Variants in NEK6 observed in about 807,000 individuals in gnomAD.
NEK6 encodes the protein NIMA related kinase 6, also known as serine/threonine-protein kinase Nek6.
Under a neutral mutation model 43.5 loss-of-function variants are expected in NEK6, and 27 were observed. The ratio of observed to expected loss-of-function variants is 0.62; its 90% CI spans 0.46 to 0.86. NEK6 has a LOEUF of 0.86. Ranked by LOEUF, NEK6 falls within the 40% of genes least tolerant of loss-of-function variation. The probability of loss-of-function intolerance (pLI) is 0.00; values close to 1 mark genes in which losing one functional copy is unlikely to be tolerated. For missense variants in NEK6, 318 were observed against 414.4 expected, an observed-to-expected ratio of 0.77 and a Z score of 2.02; for synonymous variants, 167 against 164.1, an observed-to-expected ratio of 1.02 and a Z score of -0.14.
In NEK6 at chr9:124,326,858, G is replaced by T. The variant is rs544027459; in HGVS notation, c.514+420G>T. Reference sequence around the variant, plus strand: ...GCCTGCTGGGTGCCCGGCAGGGCACGAGGTCCTTTACGTAGGCTGCTTCAT... The same window carrying T: ...GCCTGCTGGGTGCCCGGCAGGGCACTAGGTCCTTTACGTAGGCTGCTTCAT... On this transcript the variant is annotated intron_variant, in intron 6 of 9. Coordinates refer to ENST00000320246, the MANE Select transcript of NEK6 (RefSeq NM_014397.6). The surrounding 1 kb of genome is among the most constrained non-coding windows in gnomAD (Gnocchi z 4.5). 3.3e-5 allele frequency among the ~76,000 whole-genome samples: 5 copies of T among 152,286 alleles called. No individual in the cohort carries two copies. The South Asian group carries it at 1.0e-3, about 32-fold the overall frequency.
intron 2 of NEK6, among the ~76,000 whole-genome samples, chr9:124,307,817 G>T (rs539790630): frequency 6.6e-6 from 1 of 152,284 alleles, no homozygotes; most frequent in East Asian, 1.9e-4. Context: ...GGTGCACGTC[G>T]TCAGCCCCAC....
intron 1 of NEK6, among the ~76,000 whole-genome samples, chr9:124,296,989 T>G (rs922351750): frequency 6.6e-6 from 1 of 152,202 alleles, no homozygotes; most frequent in African/African-American, 2.4e-5. Context: ...ACAGCCCACA[T>G]TAGTGAGAGC....
intron 7 of NEK6, among the ~76,000 whole-genome samples, chr9:124,333,751 TGCA>T (rs1588530677): frequency 6.6e-6 from 1 of 150,646 alleles, no homozygotes; most frequent in Non-Finnish European, 1.5e-5. Flanking sequence ...GCAATTCAGC[TGCA>T]GCATGGATCA....
At chr9:124,319,085 A>T (rs1228685171) in intron 4 of NEK6, among the ~76,000 whole-genome samples, 1 of 152,148 alleles carries the variant, frequency 6.6e-6, no homozygotes, top group Non-Finnish European at 1.5e-5. Context: ...CCCAGGTTCA[A>T]GCGATTCTCC....
Position 124,312,702 on chromosome 9 carries a change from A to T in NEK6, c.231+53A>T, listed in dbSNP as rs1163070068. On this transcript the variant is annotated intron_variant, in intron 3 of 9. Transcript: ENST00000320246. ...CTGCATCTCGGGAGGTGGTCTCTGC[A>T]TCTGGACGGGGTGCCCGGGCCAGTC... is the stretch of plus-strand genomic sequence containing the variant. 26 of 1,574,084 alleles carry T rather than the reference A, an allele frequency of 1.7e-5. No individual in the cohort carries two copies. In the South Asian group the frequency reaches 2.6e-4, roughly 16 times the overall value.
At chr9:124,346,510 C>T (rs548158162) in intron 8 of NEK6, among the ~76,000 whole-genome samples, 4 of 152,162 alleles carry the variant, frequency 2.6e-5, no homozygotes, top group Non-Finnish European at 5.9e-5. Context: ...GTGGCCCCTC[C>T]GGGGGGGAAC....
chr9:124,272,582 C>T (rs983007190), intron 1 of NEK6, among the ~76,000 whole-genome samples: 17 of 152,246 alleles, frequency 1.1e-4, no homozygotes, highest in African/African-American at 3.9e-4. Flanking sequence ...AAGGCCTCAT[C>T]GGGCTTTGCT....
intron 1 of NEK6, among the ~76,000 whole-genome samples, chr9:124,274,845 T>C (rs978027769): frequency 3.3e-5 from 5 of 152,142 alleles, no homozygotes; most frequent in Admixed American, 1.3e-4. Flanking sequence ...TGGCAATCAT[T>C]GTCCTCTCCA....
At chr9:124,293,053 G>A in intron 1 of NEK6, 1 of 1,448,830 alleles carries the variant, frequency 6.9e-7, no homozygotes, top group Non-Finnish European at 9.2e-7. Context: ...AGGGGTCTCT[G>A]GGATGGTGGG....
In NEK6 at chr9:124,350,846, C is replaced by G. The variant is rs1193711970; in HGVS notation, c.841C>G (p.Leu281Val). 6.2e-7 allele frequency: 1 copy of G among 1,612,042 alleles called. No individual in the cohort carries two copies. Among genetic ancestry groups the G allele is most frequent in the Non-Finnish European group, 8.5e-7 (1 of 1,179,192 alleles). Reference protein sequence around the residue: ...GEHYSEKLRELVSMCICPDPH... With the variant: ...GEHYSEKLREVVSMCICPDPH... Reference sequence around the variant, plus strand: ...ATTCTCTCCCCTGCAGTTACGAGAACTGGTCAGCATGTGCATCTGCCCTGA... The same window carrying G: ...ATTCTCTCCCCTGCAGTTACGAGAAGTGGTCAGCATGTGCATCTGCCCTGA... The change falls in exon 10 of 10, where the codon CTG becomes GTG. Residue 281 changes from leucine to valine, a missense_variant. This residue lies in a region of NEK6 where 79 missense variants were observed against 70.0 expected (regional missense o/e 1.13). Transcript: ENST00000320246.
At chr9:124,327,533 G>A in intron 7 of NEK6, 88 bp downstream of exon 7, 1 of 1,039,820 alleles carries the variant, frequency 9.6e-7, no homozygotes, top group Non-Finnish European at 1.5e-6. Flanking sequence ...ACGTGTGTTT[G>A]GTCAGTTAGT....
intron 1 of NEK6, among the ~76,000 whole-genome samples, chr9:124,282,622 CAG>C (rs1423480318): frequency 1.3e-5 from 2 of 152,148 alleles, no homozygotes; most frequent in Non-Finnish European, 2.9e-5. Context: ...GCTGGGGCCA[CAG>C]GGGGTGGGTC....
chr9:124,330,758 T>C (rs1048157034), intron 7 of NEK6, among the ~76,000 whole-genome samples: 1 of 151,838 alleles, frequency 6.6e-6, no homozygotes, highest in Non-Finnish European at 1.5e-5. Context: ...CCATGCCAGG[T>C]GGCATGGTGA....
intron 7 of NEK6, among the ~76,000 whole-genome samples, chr9:124,336,673 G>A (rs1829309724): frequency 6.6e-6 from 1 of 152,122 alleles, no homozygotes; most frequent in Non-Finnish European, 1.5e-5. Context: ...ATGACATGGT[G>A]TCTCCAGGCC....
At chr9:124,290,254 C>T (rs569238727) in intron 1 of NEK6, among the ~76,000 whole-genome samples, 1 of 152,238 alleles carries the variant, frequency 6.6e-6, no homozygotes, top group Non-Finnish European at 1.5e-5. Flanking sequence ...AGGCTGGTAA[C>T]GCCCACTAGC....
chr9:124,306,828 T>C (rs1231765193), intron 2 of NEK6, among the ~76,000 whole-genome samples: 1 of 152,222 alleles, frequency 6.6e-6, no homozygotes, highest in Non-Finnish European at 1.5e-5. Context: ...TATCGCTATA[T>C]ACACATCTAC....
intron 4 of NEK6, among the ~76,000 whole-genome samples, chr9:124,319,843 G>T (rs1285903057): frequency 2.0e-5 from 3 of 152,124 alleles, no homozygotes; most frequent in Admixed American, 1.3e-4. Flanking sequence ...GTTACCATAG[G>T]CTTGTAGTAT....
intron 9 of NEK6, among the ~76,000 whole-genome samples, chr9:124,350,042 G>C (rs1329583196): frequency 6.6e-6 from 1 of 152,188 alleles, no homozygotes; most frequent in Non-Finnish European, 1.5e-5. Flanking sequence ...GCCCTTCCCA[G>C]TCCCTGAGTG....
At chr9:124,342,887 C>CCTGGGG (rs1331158653) in intron 8 of NEK6, among the ~76,000 whole-genome samples, 1 of 152,224 alleles carries the variant, frequency 6.6e-6, no homozygotes, top group Admixed American at 6.5e-5. Flanking sequence ...TGCCCACTTC[C>CCTGGGG]CTGGGGCTGG....
Sources: allele counts gnomAD v4.1 joint callset (sites outside exome capture counted in the v4.1 genomes callset), GRCh38; gene constraint gnomAD v4.1.1; regional missense constraint gnomAD v4.1.1; non-coding constraint Gnocchi (gnomAD v3.1); transcripts MANE v1.5; gene names NCBI Gene and HGNC (gene_info 2026-07-23, HGNC 2026-07-21).